The following SMIM14 variants were observed in gnomAD, a reference collection of about 807,000 sequenced individuals.
SMIM14 encodes the protein chromosome 4 open reading frame 34.
SMIM14 carries 5 observed loss-of-function variants against 12.6 expected under a neutral mutation model. The observed-to-expected ratio is 0.40, with a 90% confidence interval of 0.21 to 0.83. The LOEUF (loss-of-function observed/expected upper bound fraction) is 0.83, where lower values mean the gene tolerates loss of function less well. Ranked by LOEUF, SMIM14 falls within the 40% of genes least tolerant of loss-of-function variation. The probability of loss-of-function intolerance (pLI) is 0.37; values close to 1 mark genes in which losing one functional copy is unlikely to be tolerated. For missense variants in SMIM14, 86 were observed against 119.1 expected, an observed-to-expected ratio of 0.72 and a Z score of 1.29; for synonymous variants, 30 against 40.1, an observed-to-expected ratio of 0.75 and a Z score of 0.95.
intron 1 of SMIM14, among the ~76,000 whole-genome samples, chr4:39,608,625 G>A (rs1316361775): frequency 2.0e-5 from 3 of 152,186 alleles, no homozygotes; most frequent in South Asian, 2.1e-4. Context: ...GTAGAATGGT[G>A]ACTTCTAGGG....
chr4:39,595,055 T>A (rs1274003176), intron 2 of SMIM14, among the ~76,000 whole-genome samples: 1 of 144,986 alleles, frequency 6.9e-6, no homozygotes, highest in Admixed American at 6.9e-5. Context: ...CATTACTGGG[T>A]ATATACCCAA....
At chr4:39,597,086 T>C (rs960214639) in intron 2 of SMIM14, among the ~76,000 whole-genome samples, 3 of 70,668 alleles carry the variant, frequency 4.2e-5, no homozygotes, top group Admixed American at 1.3e-4. Context: ...CAGGTTTCCC[T>C]TTTTTTTTTT....
intron 2 of SMIM14, among the ~76,000 whole-genome samples, chr4:39,600,452 G>A (rs967531876): frequency 7.9e-5 from 12 of 152,230 alleles, no homozygotes; most frequent in African/African-American, 2.9e-4. Context: ...CACTTTGGGA[G>A]GCCGAGGCGG....
chr4:39,559,345 C>T (rs764011623), intron 3 of SMIM14, among the ~76,000 whole-genome samples: 59 of 148,828 alleles, frequency 4.0e-4, no homozygotes, highest in Non-Finnish European at 5.5e-4. Context: ...GCTCAGATTA[C>T]ACCACTGCAC....
intron 2 of SMIM14, among the ~76,000 whole-genome samples, chr4:39,595,988 G>A (rs1397507758): frequency 1.3e-5 from 2 of 151,802 alleles, no homozygotes; most frequent in Non-Finnish European, 2.9e-5. Context: ...TATTTGAGTG[G>A]GTAATGCATT....
chr4:39,629,652 G>C (rs1258269320), intron 1 of SMIM14, among the ~76,000 whole-genome samples: 1 of 151,846 alleles, frequency 6.6e-6, no homozygotes, highest in Non-Finnish European at 1.5e-5. Flanking sequence ...TTTTGAGATA[G>C]GGTCTCTGTT....
At chr4:39,612,547 C>T (rs974940007) in intron 1 of SMIM14, among the ~76,000 whole-genome samples, 1 of 152,128 alleles carries the variant, frequency 6.6e-6, no homozygotes, top group Non-Finnish European at 1.5e-5. Flanking sequence ...GACGTGTATC[C>T]CCCCAGGCCA....
chr4:39,572,559 C>T, intron 2 of SMIM14, 96 bp from the exon 3 acceptor site: 4 of 998,866 alleles, frequency 4.0e-6, no homozygotes, highest in Non-Finnish European at 6.2e-6. Flanking sequence ...TGCGGTGGCT[C>T]ACGCCTGTAA....
intron 1 of SMIM14, among the ~76,000 whole-genome samples, chr4:39,624,140 C>T (rs1715605244): frequency 6.6e-6 from 1 of 152,112 alleles, no homozygotes; most frequent in South Asian, 2.1e-4. Flanking sequence ...ATGAGGTGTT[C>T]AAACCTACTC....
At chr4:39,566,950 T>C (rs1712602869) in intron 3 of SMIM14, among the ~76,000 whole-genome samples, 1 of 150,174 alleles carries the variant, frequency 6.7e-6, no homozygotes, top group African/African-American at 2.5e-5. Context: ...CTGGTGACAG[T>C]GTGAGACTCC....
At chr4:39,600,731 T>C (rs772383331) in intron 2 of SMIM14, among the ~76,000 whole-genome samples, 1 of 150,546 alleles carries the variant, frequency 6.6e-6, no homozygotes, top group Admixed American at 6.6e-5. Flanking sequence ...ACTAGCCAGG[T>C]GTGGTGCTGT....
intron 1 of SMIM14, among the ~76,000 whole-genome samples, chr4:39,619,848 ATT>A (rs1206268499): frequency 1.3e-4 from 10 of 74,132 alleles, no homozygotes; most frequent in South Asian, 6.7e-4. Flanking sequence ...GTATATATAT[ATT>A]TATATATATT....
chr4:39,608,504 G>T (rs991388356), intron 1 of SMIM14, among the ~76,000 whole-genome samples: 1 of 152,144 alleles, frequency 6.6e-6, no homozygotes, highest in African/African-American at 2.4e-5. Context: ...CAACATGAAT[G>T]AACTTTGAAA....
intron 2 of SMIM14, chr4:39,594,084 C>T (rs1160134652): frequency 2.6e-5 from 4 of 152,020 alleles, no homozygotes; most frequent in Admixed American, 1.3e-4. Context: ...AAAAAGAGCC[C>T]GCATTGCCAA....
intron 2 of SMIM14, among the ~76,000 whole-genome samples, chr4:39,576,219 A>G (rs1439035104): frequency 6.7e-6 from 1 of 150,090 alleles, no homozygotes; most frequent in Non-Finnish European, 1.5e-5. Flanking sequence ...TTCTTTTTAT[A>G]TAACACGTTC....
At chr4:39,626,678 C>A (rs908431196) in intron 1 of SMIM14, among the ~76,000 whole-genome samples, 1 of 152,136 alleles carries the variant, frequency 6.6e-6, no homozygotes, top group African/African-American at 2.4e-5. Context: ...TAATTAACAA[C>A]TAAATAAATG....
At position 39,550,221 on chromosome 4, in the gene SMIM14, A is replaced by G. The variant is rs1247172430; in HGVS notation, c.*1905T>C. On this transcript the variant is annotated 3_prime_UTR_variant, in exon 5 of 5. Transcript: ENST00000295958. Reference sequence around the variant, plus strand: ...GCAAAATATCTTCTAGCCCCCATAAATAATCTGCAATCATTTGCTAGGAAA... The same window carrying G: ...GCAAAATATCTTCTAGCCCCCATAAGTAATCTGCAATCATTTGCTAGGAAA... The G allele has an allele frequency of 6.6e-6, 1 of 152,242 alleles. No homozygotes were observed. The highest frequency in any genetic ancestry group is 1.5e-5 in the Non-Finnish European group (1 of 68,042). 9.4% of individuals were successfully genotyped at this position (152,242 alleles called of 1,614,324 possible).
Position 39,594,293 on chromosome 4 carries a change from G to A in SMIM14, c.75+10778C>T, listed in dbSNP as rs952854409. 5 of 152,250 alleles carry A rather than the reference G, an allele frequency of 3.3e-5. No individual in the cohort carries two copies. In the East Asian group the frequency reaches 7.7e-4, roughly 23 times the overall value. 9.4% of individuals were successfully genotyped at this position (152,250 alleles called of 1,614,324 possible). On this transcript the variant is annotated intron_variant, in intron 2 of 4. Transcript: ENST00000295958. ...TCTTTGACAAACCTGAGAAAAACAA[G>A]CAATGGGGAAAGGATTCCCTATTTA...
At chr4:39,570,584 T>C (rs1712831626) in intron 3 of SMIM14, among the ~76,000 whole-genome samples, 1 of 152,204 alleles carries the variant, frequency 6.6e-6, no homozygotes, top group African/African-American at 2.4e-5. Context: ...GCAAAAAATA[T>C]ATCAGCAACC....
Sources: gnomAD v4.1 joint callset for allele counts (sites outside exome capture counted in the v4.1 genomes callset) on GRCh38, gnomAD v4.1.1 for gene constraint, MANE v1.5 for transcripts, NCBI Gene and HGNC (gene_info 2026-07-23, HGNC 2026-07-21) for gene names.